The following CLSTN2 variants were observed in gnomAD, a reference collection of about 807,000 sequenced individuals.
CLSTN2 encodes the protein calsyntenin-2.
In CLSTN2, 48 loss-of-function variants were observed where a neutral mutation model predicts 101.2. That is an observed-to-expected ratio of 0.47 (90% CI 0.38 to 0.60). The LOEUF is 0.60. Ranked by LOEUF, CLSTN2 falls within the 20% of genes least tolerant of loss-of-function variation. The pLI is 0.00. For synonymous variants in CLSTN2, 481 were observed against 463.6 expected (o/e 1.04, Z -0.48); for missense variants, 1,160 against 1,238.2 (o/e 0.94, Z 0.95).
chr3:140,116,631 C>T (rs530664171), intron 1 of CLSTN2, among the ~76,000 whole-genome samples: 51 of 152,252 alleles, frequency 3.3e-4, no homozygotes, highest in Middle Eastern at 3.4e-3. Flanking sequence ...TTAACTTTTG[C>T]GCCCCCCAGG....
At chr3:140,151,340 G>A (rs1208897773) in intron 1 of CLSTN2, among the ~76,000 whole-genome samples, 1 of 152,066 alleles carries the variant, frequency 6.6e-6, no homozygotes, top group Admixed American at 6.6e-5. Context: ...AATAGTGGGA[G>A]AGAAGCTCTG....
At chr3:139,948,298 C>A (rs1935243045) in intron 1 of CLSTN2, among the ~76,000 whole-genome samples, 1 of 152,010 alleles carries the variant, frequency 6.6e-6, no homozygotes, top group South Asian at 2.1e-4. Flanking sequence ...GCAAAAGCAT[C>A]TTTAGAAAAT....
At chr3:140,515,756 T>G (rs1165362302) in intron 8 of CLSTN2, among the ~76,000 whole-genome samples, 2 of 152,168 alleles carry the variant, frequency 1.3e-5, no homozygotes, top group African/African-American at 4.8e-5. Flanking sequence ...TTTTTTAAAA[T>G]GTATTGAGAC....
At chr3:140,089,081 T>A (rs1368097807) in intron 1 of CLSTN2, among the ~76,000 whole-genome samples, 1 of 152,234 alleles carries the variant, frequency 6.6e-6, no homozygotes, top group East Asian at 1.9e-4. Context: ...TTTTGGTCTC[T>A]GTCCCTCTTT....
At chr3:140,289,713 T>C (rs2086931407) in intron 2 of CLSTN2, among the ~76,000 whole-genome samples, 1 of 152,076 alleles carries the variant, frequency 6.6e-6, no homozygotes, top group South Asian at 2.1e-4. Flanking sequence ...AAAAGATACA[T>C]CTGTATGAGG....
chr3:140,401,286 C>A (rs1379954042), intron 2 of CLSTN2, among the ~76,000 whole-genome samples: 1 of 152,160 alleles, frequency 6.6e-6, no homozygotes, highest in Non-Finnish European at 1.5e-5. Context: ...CTTGATTGTC[C>A]TTTTTACTTG....
chr3:140,323,237 T>A (rs2087301283), intron 2 of CLSTN2, among the ~76,000 whole-genome samples: 1 of 152,150 alleles, frequency 6.6e-6, no homozygotes. Flanking sequence ...TAGGGGGCTT[T>A]ACGGAGGGCG....
intron 2 of CLSTN2, among the ~76,000 whole-genome samples, chr3:140,216,832 A>G (rs2010926750): frequency 6.6e-6 from 1 of 152,240 alleles, no homozygotes; most frequent in Non-Finnish European, 1.5e-5. Context: ...ACCAGGCAGA[A>G]AAACCTGGGA....
Position 140,061,000 on chromosome 3 carries a change from G to A in CLSTN2, c.110-114951G>A, listed in dbSNP as rs72981902. ...TCAGGACCAGACATAGGGTCAGAGCGCTGGCAGAGGGAAGCCCTGAGCAGA... is the reference window on the plus strand; with the variant it reads ...TCAGGACCAGACATAGGGTCAGAGCACTGGCAGAGGGAAGCCCTGAGCAGA... On this transcript the variant is annotated intron_variant, in intron 1 of 16. Transcript: ENST00000458420. Among the ~76,000 whole-genome samples the A allele has an allele frequency of 6.0e-3, 907 of 152,254 alleles. 4 individuals carry two copies. Among genetic ancestry groups the A allele is most frequent in the African/African-American group, 0.021 (857 of 41,560 alleles).
At chr3:140,024,916 A>G (rs925358283) in intron 1 of CLSTN2, among the ~76,000 whole-genome samples, 2 of 152,244 alleles carry the variant, frequency 1.3e-5, no homozygotes, top group African/African-American at 4.8e-5. Flanking sequence ...ATGAATGTAT[A>G]TAATGCCAGG....
intron 2 of CLSTN2, among the ~76,000 whole-genome samples, chr3:140,352,661 C>T (rs1006789555): frequency 2.0e-5 from 3 of 152,300 alleles, no homozygotes; most frequent in South Asian, 4.1e-4. Flanking sequence ...AGAAATACAG[C>T]AGTCTTTTCC....
intron 2 of CLSTN2, among the ~76,000 whole-genome samples, chr3:140,287,496 A>C (rs2107900731): frequency 6.6e-6 from 1 of 152,292 alleles, no homozygotes; most frequent in East Asian, 1.9e-4. Context: ...TTGGTCAAAA[A>C]TGTATACTTT....
At chr3:140,018,169 G>A (rs1229262184) in intron 1 of CLSTN2, among the ~76,000 whole-genome samples, 1 of 152,220 alleles carries the variant, frequency 6.6e-6, no homozygotes, top group African/African-American at 2.4e-5. Flanking sequence ...TAGTGGCTGA[G>A]CAATTGGCTG....
In CLSTN2 at chr3:140,573,256, A is replaced by G. The variant is rs1370937276; in HGVS notation, c.*7003A>G. The G allele has an allele frequency of 6.6e-6, 1 of 152,220 alleles. No individual in the cohort carries two copies. The allele number at this position is 152,220 out of a possible 1,614,324, so 9.4% of individuals were successfully genotyped here. ...AAGGACGTTGCCAGGTTGCCGCAGCACTGCTCTGTTTGTTTGTAATGAGAC... is the reference window on the plus strand; with the variant it reads ...AAGGACGTTGCCAGGTTGCCGCAGCGCTGCTCTGTTTGTTTGTAATGAGAC... On this transcript the variant is annotated 3_prime_UTR_variant, in exon 17 of 17. Transcript: ENST00000458420.
intron 1 of CLSTN2, among the ~76,000 whole-genome samples, chr3:140,163,234 C>G (rs990412129): frequency 5.9e-5 from 9 of 152,116 alleles, no homozygotes; most frequent in African/African-American, 1.9e-4. Context: ...ATGGATGAGC[C>G]TCATCCAATC....
chr3:139,953,322 G>A (rs1291263326), intron 1 of CLSTN2, among the ~76,000 whole-genome samples: 1 of 152,098 alleles, frequency 6.6e-6, no homozygotes, highest in Non-Finnish European at 1.5e-5. Flanking sequence ...TTACCTGGGT[G>A]ATAAAACAAT....
At chr3:140,419,927 C>T (rs72981101) in intron 4 of CLSTN2, among the ~76,000 whole-genome samples, 78,042 of 138,554 alleles carry the variant, frequency 0.56, 24,197 homozygotes, top group African/African-American at 0.85. Flanking sequence ...CAGTCTTGCT[C>T]TGTCACCCAG....
chr3:140,465,455 C>G (rs1933670432), intron 7 of CLSTN2, among the ~76,000 whole-genome samples: 1 of 152,188 alleles, frequency 6.6e-6, no homozygotes, highest in Admixed American at 6.5e-5. Flanking sequence ...CAACCCCTGA[C>G]AGAAGTTTTG....
chr3:140,333,715 T>G (rs1313004952), intron 2 of CLSTN2, among the ~76,000 whole-genome samples: 1 of 151,578 alleles, frequency 6.6e-6, no homozygotes, highest in African/African-American at 2.4e-5. Flanking sequence ...TGTGTGTGTG[T>G]ATCTGAATTA....
Sources: allele counts gnomAD v4.1 joint callset (sites outside exome capture counted in the v4.1 genomes callset), GRCh38; gene constraint gnomAD v4.1.1; transcripts MANE v1.5; gene names NCBI Gene and HGNC (gene_info 2026-07-23, HGNC 2026-07-21).